The following EML1 variants were observed in gnomAD, a reference collection of about 807,000 sequenced individuals.
EML1 encodes the protein EMAP like 1, also known as echinoderm microtubule-associated protein-like 1.
A neutral mutation model predicts 110.4 loss-of-function variants in EML1; 27 were observed. The observed-to-expected ratio is 0.24, with a 90% CI of 0.18 to 0.34. The LOEUF (loss-of-function observed/expected upper bound fraction) is 0.34. Among genes scored for constraint, EML1 ranks in the 10% least tolerant of loss-of-function variants. The pLI is 1.00. For synonymous variants in EML1, 344 were observed against 385.8 expected, an observed-to-expected ratio of 0.89 and a Z score of 1.27; for missense variants, 741 against 1,030.9, an observed-to-expected ratio of 0.72 and a Z score of 3.85.
chr14:99,873,532 G>A (rs1001821015), intron 3 of EML1, among the ~76,000 whole-genome samples: 1 of 152,186 alleles, frequency 6.6e-6, no homozygotes, highest in Admixed American at 6.5e-5. Flanking sequence ...GTTCTCAGTA[G>A]CAAAATAGAG....
At chr14:99,796,077 C>T (rs1038480416) in intron 1 of EML1, among the ~76,000 whole-genome samples, 14 of 152,066 alleles carry the variant, frequency 9.2e-5, no homozygotes, top group African/African-American at 3.4e-4. Flanking sequence ...ATCCTAGCTA[C>T]TCAGGAGGCT....
chr14:99,865,146 G>C (rs993822653), intron 2 of EML1, among the ~76,000 whole-genome samples: 5 of 152,170 alleles, frequency 3.3e-5, no homozygotes, highest in Non-Finnish European at 7.3e-5. Flanking sequence ...CGTAGAATCA[G>C]TGGCAGTCCT....
chr14:99,884,287 C>T (rs1461538167), intron 4 of EML1, among the ~76,000 whole-genome samples: 1 of 152,160 alleles, frequency 6.6e-6, no homozygotes, highest in African/African-American at 2.4e-5. Flanking sequence ...TCCCCAGCGC[C>T]TGTTTCTGTC....
rs1331781744 is a variant in EML1 at position 99,942,030 on chromosome 14, G to A, written c.*1918G>A. ...TTATAATGATTAATCACTTTATTAT[G>A]AATGAATGAATGAATTTGATGGATT... On this transcript the variant is annotated 3_prime_UTR_variant, in exon 22 of 22. Transcript: ENST00000262233. The A allele has an allele frequency of 1.3e-5, 2 of 152,086 alleles. 1 individual carries two copies. The highest frequency in any genetic ancestry group is 1.3e-4 in the Admixed American group (2 of 15,260). The allele number at this position is 152,086 out of a possible 1,614,324, so 9.4% of individuals were successfully genotyped here.
rs569530973 is a variant in EML1 at position 99,818,093 on chromosome 14, G to C, written c.67+24550G>C. ...CAAGAAACCACAAATAGTTCAGTAGGGCTGCAGTACAAGAGTTGGGGGTGG... is the reference window on the plus strand; with the variant it reads ...CAAGAAACCACAAATAGTTCAGTAGCGCTGCAGTACAAGAGTTGGGGGTGG... On this transcript the variant is annotated intron_variant, in intron 1 of 21. Transcript: ENST00000262233. 4.6e-5 allele frequency among the ~76,000 whole-genome samples: 7 copies of C among 152,164 alleles called. No individual in the cohort carries two copies. In the South Asian group the frequency reaches 1.0e-3, roughly 23 times the overall value.
chr14:99,909,791 C>T (rs1326479056), intron 11 of EML1, among the ~76,000 whole-genome samples: 1 of 152,184 alleles, frequency 6.6e-6, no homozygotes, highest in African/African-American at 2.4e-5. Context: ...ACATTAGAGA[C>T]TCCCTGTGCC....
intron 1 of EML1, among the ~76,000 whole-genome samples, chr14:99,805,033 G>A (rs959252846): frequency 4.6e-5 from 7 of 152,124 alleles, no homozygotes; most frequent in South Asian, 2.1e-4. Context: ...TCCCTGCAGC[G>A]TCCCTTCCTA....
At chr14:99,755,246 C>T (rs930866909) in intron 1 of EML1, among the ~76,000 whole-genome samples, 2 of 152,190 alleles carry the variant, frequency 1.3e-5, no homozygotes, top group Non-Finnish European at 2.9e-5. Context: ...GGAGATGGAC[C>T]GTGGAGGACA....
At chr14:99,870,964 AT>A (rs112229345) in intron 3 of EML1, among the ~76,000 whole-genome samples, 2,442 of 146,434 alleles carry the variant, frequency 0.017, 42 homozygotes, top group African/African-American at 0.043. Context: ...AGGAAATAAC[AT>A]TTTTTTTTTT....
In EML1 at chr14:99,941,995, A is replaced by G. The variant is rs932516978; in HGVS notation, c.*1883A>G. The G allele has an allele frequency of 2.6e-5, 4 of 152,344 alleles. No individual in the cohort carries two copies. Among genetic ancestry groups the G allele is most frequent in the East Asian group, 1.9e-4 (1 of 5,196 alleles). The allele number at this position is 152,344 out of a possible 1,614,324, so 9.4% of individuals were successfully genotyped here. A position where few individuals can be genotyped will look rare whatever the true frequency, so the allele number is the denominator to read the frequency against. On this transcript the variant is annotated 3_prime_UTR_variant, in exon 22 of 22. Coordinates refer to ENST00000262233, the MANE Select transcript of EML1 (RefSeq NM_004434.3). ...CTGTTATATATATATGTAAACTACT[A>G]TTGCTCTCTTTATAATGATTAATCA... is the stretch of plus-strand genomic sequence containing the variant.
chr14:99,775,634 G>A (rs996241249), intron 1 of EML1, among the ~76,000 whole-genome samples: 2 of 152,198 alleles, frequency 1.3e-5, no homozygotes, highest in African/African-American at 4.8e-5. Context: ...AGGGAGCCCA[G>A]GGGCTTTTGA....
chr14:99,810,182 G>T (rs2058051972), intron 1 of EML1, among the ~76,000 whole-genome samples: 1 of 152,186 alleles, frequency 6.6e-6, no homozygotes, highest in African/African-American at 2.4e-5. Flanking sequence ...ACCTGTCACC[G>T]TGTCCTTCAG....
chr14:99,840,810 C>T (rs1342999126), intron 1 of EML1, among the ~76,000 whole-genome samples: 1 of 152,226 alleles, frequency 6.6e-6, no homozygotes, highest in East Asian at 1.9e-4. Flanking sequence ...AAAAAGCATG[C>T]TTCTCTCACC....
intron 1 of EML1, among the ~76,000 whole-genome samples, chr14:99,824,717 C>T (rs1032091532): frequency 1.3e-5 from 2 of 152,040 alleles, no homozygotes; most frequent in Non-Finnish European, 2.9e-5. Flanking sequence ...GAACACTGTA[C>T]CCTGAACAGT....
At chr14:99,873,481 C>T (rs745826793) in intron 3 of EML1, among the ~76,000 whole-genome samples, 6 of 152,214 alleles carry the variant, frequency 3.9e-5, no homozygotes, top group Admixed American at 1.3e-4. Context: ...TCTATTATTC[C>T]GATCCATTGA....
intron 1 of EML1, among the ~76,000 whole-genome samples, chr14:99,802,592 T>TC (rs1332308703): frequency 1.3e-5 from 2 of 152,018 alleles, no homozygotes; most frequent in East Asian, 3.9e-4. Flanking sequence ...GACGCCCAGG[T>TC]CTCTGATGCC....
chr14:99,766,897 CG>C (rs1386295157), intron 1 of EML1, among the ~76,000 whole-genome samples: 1 of 152,112 alleles, frequency 6.6e-6, no homozygotes, highest in Non-Finnish European at 1.5e-5. Flanking sequence ...GGCTGGCCAC[CG>C]GGCTTCTATA....
At chr14:99,896,265 T>C (rs1418675887) in intron 6 of EML1, among the ~76,000 whole-genome samples, 1 of 152,300 alleles carries the variant, frequency 6.6e-6, no homozygotes, top group Middle Eastern at 3.4e-3. Context: ...TATTGTGACT[T>C]CATTTAGAAT....
At chr14:99,892,229 G>A (rs548735779) in intron 5 of EML1, 2 of 984,048 alleles carry the variant, frequency 2.0e-6, no homozygotes, top group East Asian at 1.1e-4. Flanking sequence ...ATAGCTCTCT[G>A]AGCAAAGCTG....
Sources: gnomAD v4.1 joint callset for allele counts (sites outside exome capture counted in the v4.1 genomes callset) on GRCh38, gnomAD v4.1.1 for gene constraint, MANE v1.5 for transcripts, NCBI Gene and HGNC (gene_info 2026-07-23, HGNC 2026-07-21) for gene names.